The following NRG1 variants were observed in gnomAD, a reference collection of about 807,000 sequenced individuals.
NRG1 encodes pro-neuregulin-1, membrane-bound isoform.
NRG1 carries 18 observed loss-of-function variants against 63.8 expected under a neutral mutation model. That is an observed-to-expected ratio of 0.28 (90% CI 0.19 to 0.42). The LOEUF is 0.42. NRG1 is among the 10% of genes least tolerant of loss of function. NRG1 has a pLI of 1.00. For synonymous variants in NRG1, 302 were observed against 301.3 expected (o/e 1.00, Z -0.02); for missense variants, 762 against 814.7 (o/e 0.94, Z 0.79).
intron 8 of NRG1, 140 bp downstream of exon 8, chr8:32,754,614 T>C (rs1045087847): frequency 2.8e-6 from 2 of 718,768 alleles, no homozygotes; most frequent in Middle Eastern, 3.6e-4. Context: ...TTATTTCCTC[T>C]GAATAATCCA....
chr8:32,233,555 ATATATATATTTTTT>A (rs1563934399), intron 1 of NRG1, among the ~76,000 whole-genome samples: 1 of 71,704 alleles, frequency 1.4e-5, no homozygotes, highest in African/African-American at 5.6e-5. Context: ...ATATATATAT[ATATATATATTTTTT>A]TTTTTTTTTC....
intron 11 of NRG1, chr8:32,761,066 C>T: frequency 1.1e-6 from 1 of 916,890 alleles, no homozygotes; most frequent in South Asian, 5.0e-5. Flanking sequence ...AATGTTTTGG[C>T]TTTCCTTTGG....
intron 1 of NRG1, among the ~76,000 whole-genome samples, chr8:32,127,026 T>A (rs1834159100): frequency 6.6e-6 from 1 of 151,854 alleles, no homozygotes; most frequent in African/African-American, 2.4e-5. Context: ...AGTTTATGAC[T>A]AGTTGGGTTT....
intron 1 of NRG1, among the ~76,000 whole-genome samples, chr8:32,432,510 T>C (rs951806871): frequency 2.0e-5 from 3 of 152,238 alleles, no homozygotes; most frequent in Admixed American, 1.3e-4. Context: ...GTTTTTGTTT[T>C]TGTTTTTGTA....
intron 1 of NRG1, among the ~76,000 whole-genome samples, chr8:32,428,831 C>G (rs1214292080): frequency 3.9e-5 from 6 of 152,174 alleles, no homozygotes; most frequent in Admixed American, 2.0e-4. Flanking sequence ...GGATCTGGCC[C>G]TGTATATTTT....
At chr8:31,941,539 C>T (rs1284827280) in intron 1 of NRG1, among the ~76,000 whole-genome samples, 2 of 152,068 alleles carry the variant, frequency 1.3e-5, no homozygotes, top group African/African-American at 4.8e-5. Flanking sequence ...GGAATCTTAG[C>T]CAGAGCAATC....
At chr8:31,801,272 C>G (rs972399150) in intron 1 of NRG1, among the ~76,000 whole-genome samples, 1 of 152,058 alleles carries the variant, frequency 6.6e-6, no homozygotes, top group Non-Finnish European at 1.5e-5. Context: ...GAAAAAACAG[C>G]CAGTTTTGTA....
intron 1 of NRG1, among the ~76,000 whole-genome samples, chr8:32,115,886 C>T (rs1194127995): frequency 6.6e-6 from 1 of 152,084 alleles, no homozygotes; most frequent in Non-Finnish European, 1.5e-5. Flanking sequence ...TGACCTCTAC[C>T]CAGACTGGGA....
intron 1 of NRG1, among the ~76,000 whole-genome samples, chr8:32,435,633 G>A (rs1024245451): frequency 2.0e-5 from 3 of 152,264 alleles, no homozygotes; most frequent in South Asian, 4.1e-4. Context: ...ATCCACAAAC[G>A]TCAGTGTTTT....
intron 1 of NRG1, among the ~76,000 whole-genome samples, chr8:31,911,190 C>T (rs1229533608): frequency 1.3e-5 from 2 of 152,124 alleles, no homozygotes; most frequent in Admixed American, 1.3e-4. Flanking sequence ...TTTTCAAAGA[C>T]CTACAAACAG....
intron 1 of NRG1, among the ~76,000 whole-genome samples, chr8:32,541,248 A>G (rs1832544569): frequency 6.6e-6 from 1 of 152,174 alleles, no homozygotes; most frequent in African/African-American, 2.4e-5. Context: ...GCACTCTAAC[A>G]TGAGGAGGAA....
At chr8:31,644,719 T>A (rs2130847956) in intron 1 of NRG1, among the ~76,000 whole-genome samples, 1 of 152,304 alleles carries the variant, frequency 6.6e-6, no homozygotes, top group East Asian at 1.9e-4. Flanking sequence ...TCTTCCTGTT[T>A]TTTTTTCTTA....
At chr8:31,720,053 T>TA (rs1240776866) in intron 1 of NRG1, among the ~76,000 whole-genome samples, 4 of 152,124 alleles carry the variant, frequency 2.6e-5, no homozygotes, top group Non-Finnish European at 4.4e-5. Flanking sequence ...AAATAACTTT[T>TA]AAAAAAATAC....
intron 1 of NRG1, among the ~76,000 whole-genome samples, chr8:32,040,742 T>G (rs1819851592): frequency 3.7e-5 from 1 of 26,814 alleles, no homozygotes; most frequent in Non-Finnish European, 1.1e-4. Context: ...ATATATGAAA[T>G]TTAGGCGCAT....
intron 1 of NRG1, among the ~76,000 whole-genome samples, chr8:31,680,007 C>T (rs187015707): frequency 5.3e-4 from 81 of 152,038 alleles, no homozygotes; most frequent in African/African-American, 1.9e-3. Context: ...CAGGAAAAGA[C>T]CTGTGTGGAG....
rs946590962 is a variant in NRG1 at position 32,045,055 on chromosome 8, A to G, written c.37+405624A>G. Among the ~76,000 whole-genome samples, 34 of 151,930 alleles carry G rather than the reference A, an allele frequency of 2.2e-4. 1 individual carries two copies. In the East Asian group the frequency reaches 2.7e-3, roughly 12 times the overall value. ...GGTGGTTCTTGAAAGAGATTAATCA[A>G]ATTGATGAACCTCTTGCAAGACTGA... On this transcript the variant is annotated intron_variant, in intron 1 of 10. Transcript: ENST00000519301.
At chr8:31,900,163 CTA>C (rs1329285741) in intron 1 of NRG1, among the ~76,000 whole-genome samples, 2 of 152,240 alleles carry the variant, frequency 1.3e-5, no homozygotes, top group African/African-American at 4.8e-5. Flanking sequence ...AAGGGACAAA[CTA>C]ATTTCACTAA....
intron 3 of NRG1, among the ~76,000 whole-genome samples, chr8:32,609,436 G>T (rs913095109): frequency 2.7e-4 from 41 of 151,878 alleles, no homozygotes; most frequent in African/African-American, 8.2e-4. Context: ...GAGAAAAAGG[G>T]CACTTTCTAC....
chr8:31,813,516 C>CTTTTCT, intron 1 of NRG1, among the ~76,000 whole-genome samples: 2,371 of 101,044 alleles, frequency 0.023, 50 homozygotes, highest in South Asian at 0.11. Flanking sequence ...CTTTTCTTTT[C>CTTTTCT]TTTTTTTTTT....
Sources: allele counts gnomAD v4.1 joint callset (sites outside exome capture counted in the v4.1 genomes callset), GRCh38; gene constraint gnomAD v4.1.1; transcripts MANE v1.5; gene names NCBI Gene and HGNC (gene_info 2026-07-23, HGNC 2026-07-21).